The following CUEDC1 variants were observed in gnomAD, a reference collection of about 807,000 sequenced individuals.
CUEDC1 encodes CUE domain-containing protein 1.
CUEDC1 carries 30 observed loss-of-function variants against 43.7 expected under a neutral mutation model. The observed-to-expected ratio is 0.69, with a 90% confidence interval of 0.51 to 0.93. The LOEUF (loss-of-function observed/expected upper bound fraction) is 0.93. Ranked by LOEUF, CUEDC1 falls within the 40% of genes least tolerant of loss-of-function variation. The probability of loss-of-function intolerance (pLI) is 0.00; values close to 1 mark genes in which losing one functional copy is unlikely to be tolerated. For synonymous variants in CUEDC1, 223 were observed against 223.6 expected, an observed-to-expected ratio of 1.00 and a Z score of 0.02; for missense variants, 486 against 549.0, an observed-to-expected ratio of 0.89 and a Z score of 1.15.
chr17:57,944,438 G>A (rs1479434874), intron 1 of CUEDC1, among the ~76,000 whole-genome samples: 2 of 152,024 alleles, frequency 1.3e-5, no homozygotes, highest in African/African-American at 4.8e-5. Flanking sequence ...TCGAACTCCC[G>A]ACCTCAGGTG....
Position 57,906,013 on chromosome 17 carries a change from A to G in CUEDC1, c.-315-20134T>C, listed in dbSNP as rs540474680. 7.2e-5 allele frequency among the ~76,000 whole-genome samples: 11 copies of G among 152,406 alleles called. No individual in the cohort carries two copies. The South Asian group carries it at 2.3e-3, about 32-fold the overall frequency. The stretch of plus-strand genomic sequence containing the variant: ...AAATGGTACAGCCACTATGAAAAAG[A>G]TAGTGAAACACAGTGAAAAACCACA... On this transcript the variant is annotated intron_variant, in intron 1 of 10. Coordinates refer to ENST00000577830, the MANE Select transcript of CUEDC1 (RefSeq NM_001271875.2).
intron 9 of CUEDC1, 130 bp from the exon 10 acceptor site, chr17:57,866,674 C>G (rs1009086829): frequency 3.6e-6 from 3 of 830,230 alleles, no homozygotes; most frequent in African/African-American, 1.7e-5. Flanking sequence ...GCAGATCCCC[C>G]CAGGTAGACG....
rs187572920 is a variant in CUEDC1, at chr17:57,903,746, T to C, written c.-315-17867A>G. ...TTGAGGCCAGGAGCTTGAGACCAGC[T>C]TGAGCAACATAGAGACCCTTTCTCT... On this transcript the variant is annotated intron_variant, in intron 1 of 10. Coordinates refer to ENST00000577830, the MANE Select transcript of CUEDC1 (RefSeq NM_001271875.2). Among the ~76,000 whole-genome samples, 3 of 152,104 alleles carry C rather than the reference T, an allele frequency of 2.0e-5. No individual in the cohort carries two copies. The East Asian group carries it at 5.8e-4, about 29-fold the overall frequency.
rs2075045322 is a variant in CUEDC1, at chr17:57,955,160, C to T, written c.-316+65G>A. 1 of 145,988 alleles carries T rather than the reference C, an allele frequency of 6.8e-6. No homozygotes were observed. Among genetic ancestry groups the T allele is most frequent in the Non-Finnish European group, 1.5e-5 (1 of 65,744 alleles). 9.0% of individuals were successfully genotyped at this position (145,988 alleles called of 1,614,324 possible). A position where few individuals can be genotyped will look rare whatever the true frequency, so the allele number is the denominator to read the frequency against. ...GGCCGGGGCCGCGGCCGGGATTGCG[C>T]GCGGGGCGCCGGCGAGGACCGCGCC... On this transcript the variant is annotated intron_variant, in intron 1 of 10. Coordinates refer to ENST00000577830, the MANE Select transcript of CUEDC1 (RefSeq NM_001271875.2). The surrounding 1 kb of genome is among the most constrained non-coding windows in gnomAD (Gnocchi z 5.3).
intron 1 of CUEDC1, among the ~76,000 whole-genome samples, chr17:57,913,855 C>T (rs77193509): frequency 0.054 from 8,225 of 152,234 alleles, 298 homozygotes; most frequent in Admixed American, 0.11. Context: ...AACTCCTTGG[C>T]CCCAGAAGCC....
At chr17:57,942,828 A>G (rs2074928812) in intron 1 of CUEDC1, among the ~76,000 whole-genome samples, 1 of 151,806 alleles carries the variant, frequency 6.6e-6, no homozygotes, top group Admixed American at 6.6e-5. Context: ...GGAGATCGAG[A>G]TCATCCTGGC....
At chr17:57,871,209 T>C in intron 6 of CUEDC1, 77 bp downstream of exon 6, 2 of 1,193,682 alleles carry the variant, frequency 1.7e-6, no homozygotes, top group South Asian at 1.2e-5. Context: ...CCTCTCAAAC[T>C]CCAAATATGC....
At chr17:57,893,862 A>G (rs1316960688) in intron 1 of CUEDC1, among the ~76,000 whole-genome samples, 1 of 152,048 alleles carries the variant, frequency 6.6e-6, no homozygotes, top group African/African-American at 2.4e-5. Context: ...TTGGGAGGCC[A>G]AGGCAGGTGG....
Position 57,871,335 on chromosome 17 carries a change from G to A in CUEDC1, c.819C>T (p.Ser273=), listed in dbSNP as rs755362041. The stretch of plus-strand genomic sequence containing the variant: ...AGTCGTTTCCGACAGCCACGCTGCT[G>A]GATTTAGATTTCTGGGATTCGTATT... ...RLKYESQKSK[S]SSVAVGNDFG... Residue 273 remains serine (S), a synonymous_variant, in exon 6 of 11, where the codon TCC becomes TCT. Transcript: ENST00000577830. 2.5e-6 allele frequency: 4 copies of A among 1,614,056 alleles called. No individual in the cohort carries two copies. The highest frequency in any genetic ancestry group is 2.5e-6 in the Non-Finnish European group (3 of 1,179,990).
intron 1 of CUEDC1, among the ~76,000 whole-genome samples, chr17:57,944,777 A>T (rs2074946406): frequency 6.6e-6 from 1 of 152,210 alleles, no homozygotes; most frequent in East Asian, 1.9e-4. Flanking sequence ...TCAGGCATGG[A>T]GATTTGAGAA....
At chr17:57,891,855 T>G (rs1328415927) in intron 1 of CUEDC1, among the ~76,000 whole-genome samples, 1 of 152,208 alleles carries the variant, frequency 6.6e-6, no homozygotes, top group Non-Finnish European at 1.5e-5. Context: ...TTCCTAACCC[T>G]TTAGGCTTCC....
At chr17:57,901,577 C>A (rs1372139647) in intron 1 of CUEDC1, among the ~76,000 whole-genome samples, 1 of 152,206 alleles carries the variant, frequency 6.6e-6, no homozygotes, top group Admixed American at 6.5e-5. Context: ...AGTCATCAAA[C>A]AAAGGCACTG....
intron 1 of CUEDC1, among the ~76,000 whole-genome samples, chr17:57,906,413 C>T (rs2074530156): frequency 6.6e-6 from 1 of 152,110 alleles, no homozygotes; most frequent in Admixed American, 6.6e-5. Context: ...CAGGTAAACT[C>T]ATAGAGACAG....
intron 3 of CUEDC1, among the ~76,000 whole-genome samples, chr17:57,874,914 A>G (rs1292824560): frequency 6.6e-6 from 1 of 152,132 alleles, no homozygotes; most frequent in African/African-American, 2.4e-5. Flanking sequence ...ACCAGCTGCT[A>G]AGTGCCTGGT....
chr17:57,940,667 T>A (rs1598024440), intron 1 of CUEDC1, among the ~76,000 whole-genome samples: 1 of 152,208 alleles, frequency 6.6e-6, no homozygotes, highest in African/African-American at 2.4e-5. Context: ...AGCACAGGAA[T>A]TTTTCAGCCT....
At chr17:57,867,336 A>G (rs1454068996) in intron 9 of CUEDC1, 21 bp downstream of exon 9, 6 of 1,550,722 alleles carry the variant, frequency 3.9e-6, no homozygotes, top group Non-Finnish European at 5.2e-6. Flanking sequence ...GTTGGAGCTT[A>G]CGACTCCCCT....
At chr17:57,936,632 GCA>G (rs948858797) in intron 1 of CUEDC1, among the ~76,000 whole-genome samples, 5 of 152,094 alleles carry the variant, frequency 3.3e-5, no homozygotes, top group African/African-American at 1.2e-4. Flanking sequence ...ACAGAGCATG[GCA>G]CTACTGTGCT....
chr17:57,907,794 C>A (rs140839897), intron 1 of CUEDC1, among the ~76,000 whole-genome samples: 2 of 146,188 alleles, frequency 1.4e-5, no homozygotes, highest in African/African-American at 5.1e-5. Context: ...TGCAGTGAGC[C>A]GAGATCACGC....
chr17:57,934,559 T>TC (rs1567722978), intron 1 of CUEDC1, among the ~76,000 whole-genome samples: 2 of 65,366 alleles, frequency 3.1e-5, no homozygotes, highest in Non-Finnish European at 3.1e-5. Context: ...CCTGTCTCTC[T>TC]AAAAAAAAAA....
Sources: allele counts gnomAD v4.1 joint callset (sites outside exome capture counted in the v4.1 genomes callset), GRCh38; gene constraint gnomAD v4.1.1; non-coding constraint Gnocchi (gnomAD v3.1); transcripts MANE v1.5; gene names NCBI Gene and HGNC (gene_info 2026-07-23, HGNC 2026-07-21).